The following MEF2C variants were observed in gnomAD, a reference collection of about 807,000 sequenced individuals.
The protein encoded by MEF2C is myocyte-specific enhancer factor 2C.
MEF2C carries 6 observed loss-of-function variants against 50.5 expected under a neutral mutation model. That is an observed-to-expected ratio of 0.12 (90% confidence interval 0.07 to 0.23). The LOEUF (loss-of-function observed/expected upper bound fraction) is 0.23. MEF2C is among the 10% of genes least tolerant of loss of function. The pLI is 1.00. For missense variants in MEF2C, 276 were observed against 605.0 expected (o/e 0.46, Z 5.70); for synonymous variants, 183 against 228.0 (o/e 0.80, Z 1.78).
chr5:88,781,194 T>C (rs1787844315), intron 3 of MEF2C, among the ~76,000 whole-genome samples: 1 of 152,218 alleles, frequency 6.6e-6, no homozygotes, highest in Non-Finnish European at 1.5e-5. Context: ...TGATAATTTA[T>C]AAAATGTGAC....
intron 2 of MEF2C, among the ~76,000 whole-genome samples, chr5:88,812,669 G>T (rs943255773): frequency 4.6e-5 from 7 of 152,128 alleles, no homozygotes; most frequent in Admixed American, 4.6e-4. Context: ...GTATCTCTTT[G>T]AACTTATTCT....
intron 6 of MEF2C, among the ~76,000 whole-genome samples, chr5:88,747,333 CTTTTTTTTTTT>C (rs950842424): frequency 6.0e-4 from 13 of 21,744 alleles, no homozygotes; most frequent in Admixed American, 1.3e-3. Context: ...TTTTTTACTA[CTTTTTTTTTTT>C]TTTTTTTTTT....
At chr5:88,839,351 C>CTCTCTCTCTCTCTATCTA (rs10694803) in intron 1 of MEF2C, 3 of 146,298 alleles carry the variant, frequency 2.1e-5, no homozygotes, top group African/African-American at 7.8e-5. Context: ...CTCTCTCTCT[C>CTCTCTCTCTCTCTATCTA]TCTATCTATC....
Position 88,823,855 on chromosome 5 carries a change from T to C in MEF2C, c.-67A>G, listed in dbSNP as rs527952482. Reference sequence around the variant, plus strand: ...ATTTTTTCCTTCCTTTTCTTTCTCTTTCCTGTTTCCTCCAAACAAATCTCC... The same window carrying C: ...ATTTTTTCCTTCCTTTTCTTTCTCTCTCCTGTTTCCTCCAAACAAATCTCC... On this transcript the variant is annotated 5_prime_UTR_variant, in exon 2 of 11. Transcript: ENST00000504921. The C allele has an allele frequency of 1.9e-6, 3 of 1,599,574 alleles. No homozygotes were observed. Among genetic ancestry groups the C allele is most frequent in the Admixed American group, 1.7e-5 (1 of 58,908 alleles).
intron 1 of MEF2C, among the ~76,000 whole-genome samples, chr5:88,831,551 T>C (rs974365278): frequency 2.0e-5 from 3 of 152,002 alleles, no homozygotes; most frequent in Admixed American, 6.6e-5. Context: ...AATGTTTTTG[T>C]TGTACATTAA....
intron 3 of MEF2C, among the ~76,000 whole-genome samples, chr5:88,789,553 A>G (rs1461704721): frequency 1.3e-5 from 2 of 152,304 alleles, no homozygotes; most frequent in East Asian, 3.9e-4. Context: ...ACCCTAGAAC[A>G]GTAGCTCTAA....
intron 3 of MEF2C, among the ~76,000 whole-genome samples, chr5:88,779,454 A>T (rs867532059): frequency 6.6e-6 from 1 of 152,198 alleles, no homozygotes; most frequent in Non-Finnish European, 1.5e-5. Flanking sequence ...GTCGAAGCCA[A>T]GCAGATAGAT....
chr5:88,845,005 T>C (rs1818790383), intron 1 of MEF2C, among the ~76,000 whole-genome samples: 1 of 152,264 alleles, frequency 6.6e-6, no homozygotes, highest in Admixed American at 6.5e-5. Flanking sequence ...GTTCTGTGTA[T>C]GAAAATAGTT....
chr5:88,815,575 T>C (rs1279632391), intron 2 of MEF2C, among the ~76,000 whole-genome samples: 9 of 152,116 alleles, frequency 5.9e-5, no homozygotes, highest in Non-Finnish European at 1.0e-4. Flanking sequence ...ATATTATCAA[T>C]TTTTAATTTT....
intron 2 of MEF2C, chr5:88,819,486 G>T: frequency 5.0e-6 from 3 of 597,168 alleles, no homozygotes; most frequent in Non-Finnish European, 6.3e-6. Context: ...TCTTCCTTCA[G>T]CTCCTCAGTC....
intron 3 of MEF2C, chr5:88,782,063 A>G: frequency 1.2e-6 from 1 of 841,374 alleles, no homozygotes; most frequent in Non-Finnish European, 1.4e-6. Context: ...CAGGCAACCT[A>G]GCGAGACTCT....
At chr5:88,801,752 C>T (rs1562117799) in intron 3 of MEF2C, among the ~76,000 whole-genome samples, 1 of 152,120 alleles carries the variant, frequency 6.6e-6, no homozygotes, top group African/African-American at 2.4e-5. Flanking sequence ...TCCCAAAGTA[C>T]TGGGATTACA....
intron 1 of MEF2C, among the ~76,000 whole-genome samples, chr5:88,894,094 A>G (rs1038009211): frequency 1.3e-5 from 2 of 152,202 alleles, no homozygotes; most frequent in Non-Finnish European, 2.9e-5. Flanking sequence ...TAATGGCCAC[A>G]TACTATTTGT....
intron 3 of MEF2C, among the ~76,000 whole-genome samples, chr5:88,776,607 A>T (rs1784871947): frequency 6.6e-6 from 1 of 152,192 alleles, no homozygotes; most frequent in African/African-American, 2.4e-5. Context: ...CAGAGGTTAT[A>T]AATAGATAGA....
chr5:88,723,989 G>T (rs1386988026), intron 10 of MEF2C, among the ~76,000 whole-genome samples: 4 of 152,162 alleles, frequency 2.6e-5, no homozygotes, highest in African/African-American at 9.7e-5. Flanking sequence ...ATAAACCATA[G>T]TGGCATTGCT....
At chr5:88,898,630 C>T (rs888541457) in intron 1 of MEF2C, among the ~76,000 whole-genome samples, 1 of 152,174 alleles carries the variant, frequency 6.6e-6, no homozygotes, top group Non-Finnish European at 1.5e-5. Flanking sequence ...AGGGCCTGCA[C>T]ATCTTTGCCA....
intron 6 of MEF2C, chr5:88,743,020 A>G: frequency 1.0e-6 from 1 of 973,464 alleles, no homozygotes; most frequent in Non-Finnish European, 1.2e-6. Flanking sequence ...CTCCCAAGGT[A>G]AAACTGCCAA....
At chr5:88,838,201 T>A (rs902053529) in intron 1 of MEF2C, among the ~76,000 whole-genome samples, 2 of 152,068 alleles carry the variant, frequency 1.3e-5, no homozygotes, top group Non-Finnish European at 2.9e-5. Context: ...TGTTCAGGAG[T>A]TGGTGGAATC....
intron 3 of MEF2C, among the ~76,000 whole-genome samples, chr5:88,762,786 G>C (rs1446912901): frequency 6.6e-6 from 1 of 151,812 alleles, no homozygotes; most frequent in African/African-American, 2.4e-5. Context: ...CTCATTAATG[G>C]AAAGTTCAGC....
Sources: allele counts gnomAD v4.1 joint callset (sites outside exome capture counted in the v4.1 genomes callset), GRCh38; gene constraint gnomAD v4.1.1; transcripts MANE v1.5; gene names NCBI Gene and HGNC (gene_info 2026-07-23, HGNC 2026-07-21).